Variants in RSPH3 observed in about 807,000 individuals in gnomAD.
The protein encoded by RSPH3 is radial spoke head 3, also known as radial spoke head protein 3 homolog.
In RSPH3, 21 loss-of-function variants were observed where a neutral mutation model predicts 43.8. The ratio of observed to expected loss-of-function variants is 0.48; its 90% CI spans 0.34 to 0.69. RSPH3 has a LOEUF of 0.69. RSPH3 is among the 30% of genes least tolerant of loss of function. RSPH3 has a pLI of 0.01. For missense variants in RSPH3, 487 were observed against 516.0 expected (o/e 0.94, Z 0.54); for synonymous variants, 173 against 179.8 (o/e 0.96, Z 0.30).
In RSPH3 at chr6:158,976,555, C is replaced by A. The variant is rs115709762; in HGVS notation, c.*983G>T. ...TTCAAATACATTTGTATAGGAATAC[C>A]TCAAAAAAGGCCTAGATAGCTCATA... On this transcript the variant is annotated 3_prime_UTR_variant, in exon 8 of 8. Coordinates refer to ENST00000367069, the MANE Select transcript of RSPH3 (RefSeq NM_031924.8). The A allele has an allele frequency of 1.1e-3, 163 of 152,022 alleles. No individual in the cohort carries two copies. Among genetic ancestry groups the A allele is most frequent in the African/African-American group, 3.9e-3 (161 of 41,462 alleles). 9.4% of individuals were successfully genotyped at this position (152,022 alleles called of 1,614,324 possible).
At chr6:158,970,346 T>G (rs1220333685), downstream of RSPH3, among the ~76,000 whole-genome samples, 2 of 152,210 alleles carry the variant, frequency 1.3e-5, no homozygotes, top group African/African-American at 4.8e-5. Flanking sequence ...CATCCTTTGT[T>G]GAGTGGCTCT....
rs1023016246 is a variant in RSPH3 at position 158,981,005 on chromosome 6, A to C, written c.697-69T>G. On this transcript the variant is annotated intron_variant, in intron 5 of 7. Transcript: ENST00000367069. ...CCCAAGTGCTGAATCTAGTGAAGTT[A>C]GTAAGTACAAGAATCCAGACTTATC... is the stretch of plus-strand genomic sequence containing the variant. 2.7e-6 allele frequency: 4 copies of C among 1,477,390 alleles called. No individual in the cohort carries two copies. The African/African-American group carries it at 5.5e-5, about 20-fold the overall frequency. The allele number at this position is 1,477,390 out of a possible 1,614,324, so 91.5% of individuals were successfully genotyped here. A position where few individuals can be genotyped will look rare whatever the true frequency, so the allele number is the denominator to read the frequency against.
At chr6:158,978,665 T>C (rs929966702) in intron 6 of RSPH3, among the ~76,000 whole-genome samples, 13 of 152,120 alleles carry the variant, frequency 8.5e-5, no homozygotes, top group Non-Finnish European at 5.9e-5. Flanking sequence ...CTCAGCCTTC[T>C]GAGTAGCTGG....
rs1314332800 is a variant in RSPH3, at chr6:158,980,671, T to C, written c.859+103A>G. 6 of 931,084 alleles carry C rather than the reference T, an allele frequency of 6.4e-6. No individual in the cohort carries two copies. The South Asian group carries it at 1.0e-4, about 16-fold the overall frequency. The allele number at this position is 931,084 out of a possible 1,614,324, so 57.7% of individuals were successfully genotyped here. A position where few individuals can be genotyped will look rare whatever the true frequency, so the allele number is the denominator to read the frequency against. ...ACTAAAATTGACTTTGTGTCAGAAA[T>C]AGAAAGACTCCAATTCAAAATAAAA... On this transcript the variant is annotated intron_variant, in intron 6 of 7. Coordinates refer to ENST00000367069, the MANE Select transcript of RSPH3 (RefSeq NM_031924.8).
chr6:158,981,427 TCTCTA>T (rs1778026907), intron 5 of RSPH3, among the ~76,000 whole-genome samples: 1 of 152,212 alleles, frequency 6.6e-6, no homozygotes, highest in South Asian at 2.1e-4. Flanking sequence ...TGAATCCTGT[TCTCTA>T]CTCTCATGTG....
rs1778806903 is a variant in RSPH3, at chr6:158,999,919, G to C, written c.-369C>G. On this transcript the variant is annotated 5_prime_UTR_variant, in exon 1 of 8. Transcript: ENST00000367069. ...CCAGCCGCGCCACCCAGGTAGGTGC[G>C]CCTGCGCTTTGCGAGGTTCCTGGCT... 1 of 1,611,974 alleles carries C rather than the reference G, an allele frequency of 6.2e-7. No individual in the cohort carries two copies. Among genetic ancestry groups the C allele is most frequent in the Admixed American group, 1.7e-5 (1 of 59,840 alleles).
chr6:158,983,514 A>G (rs1778108605), intron 4 of RSPH3, 148 bp downstream of exon 4: 1 of 703,904 alleles, frequency 1.4e-6, no homozygotes, highest in Admixed American at 2.5e-5. Flanking sequence ...GTACTATATG[A>G]TAAAACCATT....
chr6:158,978,627 G>A (rs927430217), intron 6 of RSPH3, among the ~76,000 whole-genome samples: 6 of 152,074 alleles, frequency 3.9e-5, no homozygotes, highest in African/African-American at 7.2e-5. Context: ...TGCAACCTCC[G>A]CTTCCCAGGT....
chr6:158,998,866 G>C (rs1363823486), intron 1 of RSPH3, among the ~76,000 whole-genome samples: 1 of 151,690 alleles, frequency 6.6e-6, no homozygotes, highest in Non-Finnish European at 1.5e-5. Flanking sequence ...GCGAAACTCC[G>C]TCTCAAAACA....
At chr6:158,966,797 GT>G in the RSPH3 span, among the ~76,000 whole-genome samples, 4 of 150,720 alleles carry the variant, frequency 2.7e-5, no homozygotes, top group African/African-American at 9.7e-5. Context: ...TTTCTCAATT[GT>G]TTTTCTATTC....
rs1233822233 is a variant in RSPH3, at chr6:158,982,665, A to G, written c.516T>C (p.Val172=). The G allele has an allele frequency of 6.2e-7, 1 of 1,613,766 alleles. No individual in the cohort carries two copies. Among genetic ancestry groups the G allele is most frequent in the Admixed American group, 1.7e-5 (1 of 60,024 alleles). ...EGELFDFDLE[V]KPVLEVLVGK... ...CCACCAAAACTTCTAACACTGGTTT[A>G]ACTTCAAGATCAAAGTCAAAGAGCT... Residue 172 remains valine (V), a synonymous_variant, in exon 5 of 8, where the codon GTT becomes GTC. Coordinates refer to ENST00000367069, the MANE Select transcript of RSPH3 (RefSeq NM_031924.8).
chr6:158,999,320 G>T, intron 1 of RSPH3, 115 bp downstream of exon 1: 1 of 953,788 alleles, frequency 1.0e-6, no homozygotes, highest in Non-Finnish European at 1.5e-6. Context: ...TTTCGGCAGA[G>T]TGCAGCCAAG....
At chr6:158,969,359 G>A (rs1777668658), downstream of RSPH3, among the ~76,000 whole-genome samples, 1 of 152,190 alleles carries the variant, frequency 6.6e-6, no homozygotes, top group Admixed American at 6.5e-5. Context: ...TTCATGATGT[G>A]GGATGAGAAG....
chr6:158,971,352 T>C (rs747994959), downstream of RSPH3, among the ~76,000 whole-genome samples: 6 of 152,242 alleles, frequency 3.9e-5, no homozygotes, highest in Non-Finnish European at 5.9e-5. Context: ...CTGAAAATAC[T>C]GATTTTGGCA....
chr6:158,999,347 A>T, intron 1 of RSPH3, 88 bp downstream of exon 1: 1 of 1,212,464 alleles, frequency 8.2e-7, no homozygotes, highest in Non-Finnish European at 1.1e-6. Context: ...CAGCATAAGC[A>T]GCTTTTTTGC....
intron 2 of RSPH3, among the ~76,000 whole-genome samples, chr6:158,992,174 T>G (rs117894647): frequency 0.018 from 2,695 of 152,162 alleles, 33 homozygotes; most frequent in Middle Eastern, 0.024. Context: ...ATGCTATTAT[T>G]CATCTTTAAC....
rs1778568686 is a variant in RSPH3, at chr6:158,995,726, C to G, written c.117-1800G>C. 3.3e-5 allele frequency among the ~76,000 whole-genome samples: 5 copies of G among 152,096 alleles called. No homozygotes were observed. The South Asian group carries it at 1.0e-3, about 32-fold the overall frequency. The stretch of plus-strand genomic sequence containing the variant: ...TCTCCTGCCTCAGCCTCCCGAGTAG[C>G]TGGGACTACAGGCGCCCGCCACCAC... On this transcript the variant is annotated intron_variant, in intron 1 of 7. Coordinates refer to ENST00000367069, the MANE Select transcript of RSPH3 (RefSeq NM_031924.8).
rs1299786410 is a variant in RSPH3, at chr6:158,972,927, T to C, written c.*4611A>G. The C allele has an allele frequency of 6.6e-6, 1 of 152,214 alleles. No homozygotes were observed. The highest frequency in any genetic ancestry group is 1.5e-5 in the Non-Finnish European group (1 of 68,044). The allele number at this position is 152,214 out of a possible 1,614,324, so 9.4% of individuals were successfully genotyped here. On this transcript the variant is annotated 3_prime_UTR_variant, in exon 8 of 8. Transcript: ENST00000367069. ...TAATGTAAGTTGAGATCATGAAACA[T>C]ACAATCTAATTCAAAAGAAGAATCA...
intron 1 of RSPH3, among the ~76,000 whole-genome samples, chr6:158,995,085 G>A (rs1174065016): frequency 3.3e-5 from 5 of 152,060 alleles, no homozygotes; most frequent in Admixed American, 1.3e-4. Context: ...GATTTCCTCC[G>A]GGCTCAGCCT....
Sources: allele counts gnomAD v4.1 joint callset (sites outside exome capture counted in the v4.1 genomes callset), GRCh38; gene constraint gnomAD v4.1.1; transcripts MANE v1.5; gene names NCBI Gene and HGNC (gene_info 2026-07-23, HGNC 2026-07-21).